SRGAP3: variants seen among roughly 807,000 people sequenced by gnomAD.
SRGAP3 encodes the protein SLIT-ROBO Rho GTPase activating protein 3.
A neutral mutation model predicts 121.1 loss-of-function variants in SRGAP3; 39 were observed. That is an observed-to-expected ratio of 0.32 (90% CI 0.25 to 0.42). The LOEUF is 0.42. Among genes scored for constraint, SRGAP3 ranks in the 10% least tolerant of loss-of-function variants. The probability of loss-of-function intolerance (pLI) is 1.00; values close to 1 mark genes in which losing one functional copy is unlikely to be tolerated. For synonymous variants in SRGAP3, 601 were observed against 570.0 expected, an observed-to-expected ratio of 1.05 and a Z score of -0.77; for missense variants, 1,213 against 1,470.6, an observed-to-expected ratio of 0.82 and a Z score of 2.86.
chr3:9,255,039 A>G (rs1199537250), intron 3 of SRGAP3, among the ~76,000 whole-genome samples: 1 of 152,152 alleles, frequency 6.6e-6, no homozygotes, highest in Admixed American at 6.5e-5. Context: ...AAAGGAAGAA[A>G]GAAAGGTAGA....
intron 3 of SRGAP3, among the ~76,000 whole-genome samples, chr3:9,093,356 T>C (rs1020059592): frequency 6.6e-6 from 1 of 152,150 alleles, no homozygotes; most frequent in Non-Finnish European, 1.5e-5. Context: ...CACCCATCTA[T>C]CCACCTCTCC....
At chr3:9,286,352 C>T (rs1217909238) in intron 3 of SRGAP3, among the ~76,000 whole-genome samples, 1 of 151,972 alleles carries the variant, frequency 6.6e-6, no homozygotes, top group Non-Finnish European at 1.5e-5. Flanking sequence ...GAAATGTTAA[C>T]ATGGATACAT....
At chr3:9,181,593 G>A (rs1951403415) in intron 1 of SRGAP3, among the ~76,000 whole-genome samples, 1 of 152,216 alleles carries the variant, frequency 6.6e-6, no homozygotes, top group Non-Finnish European at 1.5e-5. Flanking sequence ...GATGCCCTCT[G>A]CTCCTCAGGC....
chr3:9,203,583 CA>C (rs763034306), intron 1 of SRGAP3, among the ~76,000 whole-genome samples: 48 of 152,130 alleles, frequency 3.2e-4, no homozygotes, highest in Non-Finnish European at 6.2e-4. Flanking sequence ...ACCCTCTGCC[CA>C]CACCCTTACT....
chr3:9,060,198 C>T (rs567151413), intron 6 of SRGAP3, 33 bp downstream of exon 6: 1 of 1,613,628 alleles, frequency 6.2e-7, no homozygotes, highest in South Asian at 1.1e-5. Context: ...TGGTGTGGGC[C>T]CTGCTCAGTC....
rs1171005815 is a variant in SRGAP3 at position 9,035,315 on chromosome 3, A to T, written c.1437-2563T>A. On this transcript the variant is annotated intron_variant, in intron 11 of 21. Transcript: ENST00000383836. ...TGTTTTTTGTTTTTTCTTAAATTCT[A>T]CAAAGTGGAAAAAAGGGGAAATAGC... 9.9e-5 allele frequency: 16 copies of T among 161,146 alleles called. No individual in the cohort carries two copies. The Admixed American group carries it at 1.0e-3, about 10-fold the overall frequency. 10.0% of individuals were successfully genotyped at this position (161,146 alleles called of 1,614,324 possible).
At chr3:9,256,083 G>C (rs1954127015) in intron 3 of SRGAP3, among the ~76,000 whole-genome samples, 1 of 151,990 alleles carries the variant, frequency 6.6e-6, no homozygotes, top group African/African-American at 2.4e-5. Context: ...AACCTCACAG[G>C]CCTCACACAT....
rs142254687 is a variant in SRGAP3, at chr3:9,104,821, C to T, written c.282G>A (p.Ser94=). 4.6e-5 allele frequency: 75 copies of T among 1,614,090 alleles called. No individual in the cohort carries two copies. Among genetic ancestry groups the T allele is most frequent in the South Asian group, 1.3e-4 (12 of 91,092 alleles). The change falls in exon 3 of 22, where the codon TCG becomes TCA. Residue 94 remains serine (S), a synonymous_variant. Coordinates refer to ENST00000383836, the MANE Select transcript of SRGAP3 (RefSeq NM_014850.4). ...HQFKKDQYLL[S]PVNCWYLVLH... The stretch of plus-strand genomic sequence containing the variant: ...GAACCAGATACCAACAGTTCACAGG[C>T]GAGAGGAGGTACTGGTCCTTCCTGT...
rs534080025 is a variant in SRGAP3, at chr3:8,990,474, C to T, written c.2886+38G>A. 5.4e-5 allele frequency: 84 copies of T among 1,549,246 alleles called. 1 individual carries two copies. The East Asian group carries it at 1.4e-3, about 26-fold the overall frequency. On this transcript the variant is annotated intron_variant, in intron 21 of 21. Transcript: ENST00000383836. ...GATTCCCACCCGCTGCCCTCTGGGG[C>T]TTTTGGCTGCCCAGCCTGCCTTCCC...
intron 18 of SRGAP3, among the ~76,000 whole-genome samples, chr3:9,009,127 G>A (rs986428699): frequency 6.6e-6 from 1 of 152,208 alleles, no homozygotes; most frequent in Non-Finnish European, 1.5e-5. Context: ...TTAAGCTTAA[G>A]TTGATTTGAG....
chr3:9,263,458 AATAG>A (rs1304690663), intron 3 of SRGAP3, among the ~76,000 whole-genome samples: 11 of 152,140 alleles, frequency 7.2e-5, no homozygotes, highest in African/African-American at 2.7e-4. Context: ...AAATTAACAA[AATAG>A]ATAGACTGCT....
intron 1 of SRGAP3, among the ~76,000 whole-genome samples, chr3:9,135,688 C>T (rs888009746): frequency 2.6e-5 from 4 of 152,240 alleles, no homozygotes; most frequent in African/African-American, 9.6e-5. Flanking sequence ...CAGGATCAGA[C>T]TGGAAATAAT....
intron 1 of SRGAP3, among the ~76,000 whole-genome samples, chr3:9,167,084 G>A (rs1388212051): frequency 6.6e-6 from 1 of 152,108 alleles, no homozygotes; most frequent in Admixed American, 6.5e-5. Context: ...CTGCGAACCA[G>A]CAGCCTTGAG....
At chr3:9,335,015 C>T (rs945808069) in intron 1 of SRGAP3, among the ~76,000 whole-genome samples, 2 of 152,304 alleles carry the variant, frequency 1.3e-5, no homozygotes, top group Admixed American at 6.5e-5. Flanking sequence ...GCAAAGCAGG[C>T]CTATGGGAAC....
chr3:9,030,996 C>T (rs747555230), intron 12 of SRGAP3, among the ~76,000 whole-genome samples: 5 of 152,214 alleles, frequency 3.3e-5, no homozygotes, highest in East Asian at 1.9e-4. Flanking sequence ...GCTCTGTCAC[C>T]GAGGCTGGAG....
At chr3:9,361,973 C>A (rs748245157) in intron 1 of SRGAP3, among the ~76,000 whole-genome samples, 4 of 152,114 alleles carry the variant, frequency 2.6e-5, no homozygotes, top group Admixed American at 6.6e-5. Context: ...CTCAACTGCA[C>A]ATGCACAAAT....
intron 1 of SRGAP3, among the ~76,000 whole-genome samples, chr3:9,203,814 C>G (rs916865423): frequency 8.5e-5 from 13 of 152,212 alleles, no homozygotes; most frequent in African/African-American, 3.1e-4. Context: ...GTTCACATAG[C>G]CCTTTACAAC....
intron 1 of SRGAP3, among the ~76,000 whole-genome samples, chr3:9,338,978 C>T (rs551789563): frequency 6.6e-6 from 1 of 152,296 alleles, no homozygotes; most frequent in South Asian, 2.1e-4. Flanking sequence ...GAAGCTAGTA[C>T]TTACGAAAAT....
intron 1 of SRGAP3, among the ~76,000 whole-genome samples, chr3:9,245,222 G>T (rs1953776749): frequency 1.3e-5 from 2 of 152,298 alleles, no homozygotes; most frequent in Non-Finnish European, 1.5e-5. Flanking sequence ...AGCAATAATT[G>T]GTTGAACCTA....
Sources: allele counts gnomAD v4.1 joint callset (sites outside exome capture counted in the v4.1 genomes callset), GRCh38; gene constraint gnomAD v4.1.1; transcripts MANE v1.5; gene names NCBI Gene and HGNC (gene_info 2026-07-23, HGNC 2026-07-21).